CHST15: variants seen among roughly 807,000 people sequenced by gnomAD.
CHST15 encodes B cell RAG associated protein (GALNAC4S-6ST).
CHST15 carries 30 observed loss-of-function variants against 53.6 expected under a neutral mutation model. The ratio of observed to expected loss-of-function variants is 0.56; its 90% CI spans 0.42 to 0.76. The LOEUF is 0.76. Among genes scored for constraint, CHST15 ranks in the 30% least tolerant of loss-of-function variants. The pLI, the probability that CHST15 is intolerant of heterozygous loss-of-function variation, is 0.00. For missense variants in CHST15, 627 were observed against 740.5 expected, an observed-to-expected ratio of 0.85 and a Z score of 1.78; for synonymous variants, 296 against 289.8, an observed-to-expected ratio of 1.02 and a Z score of -0.22.
chr10:124,083,944 A>C (rs979468087), intron 1 of CHST15, among the ~76,000 whole-genome samples: 8 of 152,200 alleles, frequency 5.3e-5, no homozygotes, highest in Non-Finnish European at 8.8e-5. Flanking sequence ...GCAGTTCAAC[A>C]CGCCCAGAGC....
intron 1 of CHST15, among the ~76,000 whole-genome samples, chr10:124,087,441 G>C (rs528111677): frequency 2.6e-5 from 4 of 152,308 alleles, no homozygotes; most frequent in Non-Finnish European, 4.4e-5. Context: ...CCTATTGTCA[G>C]AAAAACATAA....
chr10:124,020,411 A>G (rs1453784968), intron 6 of CHST15: 9 of 985,324 alleles, frequency 9.1e-6, no homozygotes, highest in African/African-American at 1.7e-5. Context: ...GCCAAACTAC[A>G]AAGTCCAACA....
chr10:124,027,956 G>A (rs905002262), intron 5 of CHST15, among the ~76,000 whole-genome samples: 2 of 152,186 alleles, frequency 1.3e-5, no homozygotes, highest in Non-Finnish European at 1.5e-5. Context: ...GATAGTTTTC[G>A]GGTTTTGTTT....
At chr10:124,065,665 A>G (rs1590323372) in intron 1 of CHST15, among the ~76,000 whole-genome samples, 1 of 152,014 alleles carries the variant, frequency 6.6e-6, no homozygotes, top group Non-Finnish European at 1.5e-5. Flanking sequence ...GCTCATTCCC[A>G]CCAACCTCAA....
chr10:124,084,016 G>A (rs1949335171), intron 1 of CHST15, among the ~76,000 whole-genome samples: 1 of 152,212 alleles, frequency 6.6e-6, no homozygotes, highest in African/African-American at 2.4e-5. Flanking sequence ...GTTTCAGAGA[G>A]GGTGCCTAGG....
intron 1 of CHST15, among the ~76,000 whole-genome samples, chr10:124,052,798 G>A (rs1948247444): frequency 6.6e-6 from 1 of 152,328 alleles, no homozygotes; most frequent in South Asian, 2.1e-4. Flanking sequence ...CACTTTGGGA[G>A]TCTGAGGCGG....
chr10:124,091,664 C>G (rs1206964998), intron 1 of CHST15, among the ~76,000 whole-genome samples: 1 of 152,288 alleles, frequency 6.6e-6, no homozygotes, highest in Non-Finnish European at 1.5e-5. Flanking sequence ...CACTTCATTC[C>G]CGAGAACTCG....
intron 6 of CHST15, chr10:124,020,365 C>A (rs1946730356): frequency 1.0e-6 from 1 of 985,476 alleles, no homozygotes; most frequent in Admixed American, 6.1e-5. Context: ...CCAGAGCAGG[C>A]TCTGGGGTTA....
chr10:124,069,414 G>A (rs1040755576), intron 1 of CHST15, among the ~76,000 whole-genome samples: 5 of 152,196 alleles, frequency 3.3e-5, no homozygotes, highest in African/African-American at 7.2e-5. Context: ...AAATGGGGCA[G>A]AGGCACCATG....
Position 124,009,992 on chromosome 10 carries a change from A to C in CHST15, c.*157T>G, listed in dbSNP as rs1946366279. ...ATTGCTGAGCTCTCGAACATCACGAAGGAAATTCCAAAATGGTTATAATTC... is the reference window on the plus strand; with the variant it reads ...ATTGCTGAGCTCTCGAACATCACGACGGAAATTCCAAAATGGTTATAATTC... On this transcript the variant is annotated 3_prime_UTR_variant, in exon 8 of 8. Coordinates refer to ENST00000435907, the MANE Select transcript of CHST15 (RefSeq NM_001270764.2). 6.8e-7 allele frequency: 1 copy of C among 1,478,328 alleles called. No individual in the cohort carries two copies. Among genetic ancestry groups the C allele is most frequent in the South Asian group, 1.4e-5 (1 of 72,322 alleles). 91.6% of individuals were successfully genotyped at this position (1,478,328 alleles called of 1,614,324 possible).
intron 5 of CHST15, among the ~76,000 whole-genome samples, chr10:124,028,599 G>C (rs1947101753): frequency 6.6e-6 from 1 of 152,174 alleles, no homozygotes; most frequent in Non-Finnish European, 1.5e-5. Context: ...GCGACTGCTG[G>C]TTCTAACACA....
intron 1 of CHST15, among the ~76,000 whole-genome samples, chr10:124,091,830 C>T (rs1949607720): frequency 6.6e-6 from 1 of 152,332 alleles, no homozygotes; most frequent in African/African-American, 2.4e-5. Context: ...ACACTGGGCG[C>T]GGACCTCCAG....
intron 6 of CHST15, chr10:124,020,336 G>A: frequency 1.0e-6 from 1 of 985,468 alleles, no homozygotes; most frequent in Non-Finnish European, 1.2e-6. Context: ...GTTCCAAAGT[G>A]TACTCCTCCT....
In CHST15 at chr10:124,013,655, G is replaced by C. The variant is rs111787397; in HGVS notation, c.1348-1175C>G. On this transcript the variant is annotated intron_variant, in intron 6 of 7. Coordinates refer to ENST00000435907, the MANE Select transcript of CHST15 (RefSeq NM_001270764.2). ...CCTGAACTTGCAACTGGTGTCAGAAGTGAGAGCAGTCTTAGGAACAGTTTC... is the reference window on the plus strand; with the variant it reads ...CCTGAACTTGCAACTGGTGTCAGAACTGAGAGCAGTCTTAGGAACAGTTTC... Among the ~76,000 whole-genome samples the C allele has an allele frequency of 2.3e-3, 343 of 152,354 alleles. 3 individuals are homozygous for C. Among genetic ancestry groups the C allele is most frequent in the African/African-American group, 8.1e-3 (336 of 41,580 alleles).
intron 1 of CHST15, among the ~76,000 whole-genome samples, chr10:124,089,661 T>C (rs4450122): frequency 0.31 from 47,678 of 151,968 alleles, 7,708 homozygotes; most frequent in Middle Eastern, 0.39. Context: ...TGAAATTCAA[T>C]GTCCACACCT....
At chr10:124,038,743 A>T (rs958995256) in intron 4 of CHST15, 72 bp from the exon 5 acceptor site, 6 of 1,516,938 alleles carry the variant, frequency 4.0e-6, no homozygotes, top group Non-Finnish European at 2.7e-6. Context: ...TAGGTGCCAG[A>T]GGCCACACCT....
chr10:124,065,355 C>A (rs756222864), intron 1 of CHST15, among the ~76,000 whole-genome samples: 1 of 152,036 alleles, frequency 6.6e-6, no homozygotes, highest in Non-Finnish European at 1.5e-5. Context: ...TACACTGCAG[C>A]CTGGGTGACA....
chr10:124,062,267 G>A (rs572701454), intron 1 of CHST15, among the ~76,000 whole-genome samples: 4 of 152,294 alleles, frequency 2.6e-5, no homozygotes, highest in African/African-American at 7.2e-5. Flanking sequence ...CCCAAAGAGC[G>A]TTTGACAGAG....
intron 1 of CHST15, among the ~76,000 whole-genome samples, chr10:124,078,053 G>C (rs1054815909): frequency 3.9e-5 from 6 of 152,208 alleles, no homozygotes; most frequent in Non-Finnish European, 7.3e-5. Context: ...GGTGTTTCTA[G>C]CTCTACGGGT....
Sources: gnomAD v4.1 joint callset for allele counts (sites outside exome capture counted in the v4.1 genomes callset) on GRCh38, gnomAD v4.1.1 for gene constraint, MANE v1.5 for transcripts, NCBI Gene and HGNC (gene_info 2026-07-23, HGNC 2026-07-21) for gene names.